TEX11: variants seen among roughly 807,000 people sequenced by gnomAD.
TEX11 encodes the protein testis expressed 11.
Under a neutral mutation model 84.4 loss-of-function variants are expected in TEX11, and 7 were observed. The observed-to-expected ratio is 0.08, with a 90% CI of 0.05 to 0.16. The LOEUF (loss-of-function observed/expected upper bound fraction) is 0.16, where lower values mean the gene tolerates loss of function less well. Ranked by LOEUF, TEX11 falls within the 10% of genes least tolerant of loss-of-function variation. The probability of loss-of-function intolerance (pLI) is 1.00; values close to 1 mark genes in which losing one functional copy is unlikely to be tolerated. For missense variants in TEX11, 551 were observed against 660.5 expected (o/e 0.83, Z 1.82); for synonymous variants, 264 against 222.8 (o/e 1.18, Z -1.64).
At chrX:70,773,005 G>A (rs1011786617) in intron 9 of TEX11, among the ~76,000 whole-genome samples, 2 of 110,010 alleles carry the variant, frequency 1.8e-5, no homozygotes, top group Non-Finnish European at 3.8e-5. Flanking sequence ...CTCCATAAAG[G>A]AAAACAAACA....
chrX:70,750,932 A>AT (rs1569429053), intron 9 of TEX11, among the ~76,000 whole-genome samples: 3,391 of 37,784 alleles, frequency 0.09, 113 homozygotes, highest in Non-Finnish European at 0.096. Flanking sequence ...AAAAAAAAAA[A>AT]AATATATATA....
chrX:70,636,619 G>T (rs947572466), intron 17 of TEX11, among the ~76,000 whole-genome samples: 2 of 112,338 alleles, frequency 1.8e-5, no homozygotes, highest in Non-Finnish European at 3.8e-5. Flanking sequence ...CACCTGGCTG[G>T]CTCTTGCAGA....
At chrX:70,781,916 T>A (rs915442277) in intron 9 of TEX11, among the ~76,000 whole-genome samples, 1 of 111,186 alleles carries the variant, frequency 9.0e-6, no homozygotes, top group Non-Finnish European at 1.9e-5. Context: ...CAGGAGAACT[T>A]CCCCAACCTA....
At chrX:70,702,452 A>G (rs1278793654) in intron 13 of TEX11, among the ~76,000 whole-genome samples, 1 of 112,351 alleles carries the variant, frequency 8.9e-6, no homozygotes, top group African/African-American at 3.2e-5. Flanking sequence ...ACTACAGTAT[A>G]TAGTAACCTA....
chrX:70,525,829 G>T (rs1220961090), downstream of TEX11, among the ~76,000 whole-genome samples: 4 of 112,277 alleles, frequency 3.6e-5, no homozygotes, highest in African/African-American at 1.3e-4. Flanking sequence ...CACATGAGCC[G>T]ACTTCTCAAA....
chrX:70,873,479 T>G (rs971727495), intron 3 of TEX11, among the ~76,000 whole-genome samples, 172 bp from the exon 4 acceptor site: 12 of 111,763 alleles, frequency 1.1e-4, no homozygotes, highest in African/African-American at 3.9e-4. Context: ...GTTAGAGTAA[T>G]TATCTATTTC....
the TEX11 span, among the ~76,000 whole-genome samples, chrX:70,514,640 A>G: frequency 9.1e-6 from 1 of 110,026 alleles, no homozygotes; most frequent in East Asian, 2.8e-4. Context: ...TATATAGTGT[A>G]ACATACCACT....
chrX:70,597,535 A>G (rs2089024092), intron 24 of TEX11, among the ~76,000 whole-genome samples: 2 of 112,180 alleles, frequency 1.8e-5, no homozygotes, highest in Non-Finnish European at 3.8e-5. Context: ...ACAGTCTTCA[A>G]CAAATAGTAC....
At chrX:70,742,616 C>T (rs2090740937) in intron 10 of TEX11, among the ~76,000 whole-genome samples, 1 of 109,776 alleles carries the variant, frequency 9.1e-6, no homozygotes, top group African/African-American at 3.3e-5. Flanking sequence ...GTAGTCCCAG[C>T]TACTCAGTAG....
chrX:70,522,835 G>A, the TEX11 span, among the ~76,000 whole-genome samples: 12 of 110,309 alleles, frequency 1.1e-4, no homozygotes, highest in Non-Finnish European at 2.3e-4. Flanking sequence ...GAGCCACCGC[G>A]CCTGGCCGAC....
intron 20 of TEX11, 97 bp from the exon 21 acceptor site, chrX:70,610,640 A>C (rs1345885333): frequency 9.2e-6 from 8 of 868,441 alleles, no homozygotes; most frequent in Non-Finnish European, 1.3e-5. Flanking sequence ...AATTGAACTA[A>C]GAAAATGCAA....
At chrX:70,595,072 C>G (rs1422260279) in intron 24 of TEX11, among the ~76,000 whole-genome samples, 1 of 110,947 alleles carries the variant, frequency 9.0e-6, no homozygotes, top group East Asian at 2.8e-4. Flanking sequence ...ATAATATATA[C>G]TTTCTTCTCT....
intron 9 of TEX11, among the ~76,000 whole-genome samples, chrX:70,788,496 C>G (rs987310447): frequency 2.7e-5 from 3 of 110,339 alleles, no homozygotes; most frequent in African/African-American, 9.9e-5. Flanking sequence ...TCTCTCCCAC[C>G]ACGTACAAAA....
intron 5 of TEX11, 89 bp downstream of exon 5, chrX:70,860,768 C>T (rs949585169): frequency 4.0e-5 from 24 of 595,002 alleles, no homozygotes; most frequent in Admixed American, 1.6e-4. Context: ...AAGATTCAAC[C>T]CCCTTCCAGT....
intron 4 of TEX11, among the ~76,000 whole-genome samples, chrX:70,866,758 C>T (rs112468924): frequency 0.21 from 23,175 of 111,468 alleles, 1,895 homozygotes; most frequent in Middle Eastern, 0.32. Flanking sequence ...AATCAGTAAA[C>T]GTAATCCGTC....
intron 9 of TEX11, among the ~76,000 whole-genome samples, chrX:70,773,983 GCC>G (rs2090986640): frequency 9.0e-6 from 1 of 110,716 alleles, no homozygotes; most frequent in Non-Finnish European, 1.9e-5. Flanking sequence ...TGCAATCCTA[GCC>G]ACAGGAACGC....
chrX:70,655,348 G>A (rs1394326292), intron 16 of TEX11, among the ~76,000 whole-genome samples: 2 of 111,309 alleles, frequency 1.8e-5, no homozygotes, highest in African/African-American at 3.3e-5. Flanking sequence ...TAACCACATC[G>A]TAAGTCTGGG....
At chrX:70,573,267 G>A (rs968039319) in intron 25 of TEX11, among the ~76,000 whole-genome samples, 1 of 111,505 alleles carries the variant, frequency 9.0e-6, no homozygotes, top group Non-Finnish European at 1.9e-5. Flanking sequence ...GCTTTGGATT[G>A]CATCATTAGG....
intron 28 of TEX11, 35 bp downstream of exon 28, chrX:70,552,085 TTTAAAA>T (rs771093906): frequency 7.6e-6 from 9 of 1,188,591 alleles, no homozygotes; most frequent in East Asian, 6.0e-5. Flanking sequence ...AGTTCAGTTC[TTTAAAA>T]TTAACTGAAA....
Sources: allele counts gnomAD v4.1 joint callset (sites outside exome capture counted in the v4.1 genomes callset), GRCh38; gene constraint gnomAD v4.1.1; transcripts MANE v1.5; gene names NCBI Gene and HGNC (gene_info 2026-07-23, HGNC 2026-07-21).